CEP128: variants seen among roughly 807,000 people sequenced by gnomAD.
The protein encoded by CEP128 is centrosomal protein 128kDa.
Under a neutral mutation model 156.7 loss-of-function variants are expected in CEP128, and 132 were observed. The ratio of observed to expected loss-of-function variants is 0.84; its 90% CI spans 0.73 to 0.97. The LOEUF (loss-of-function observed/expected upper bound fraction) is 0.97. Among genes scored for constraint, CEP128 ranks in the 50% least tolerant of loss-of-function variants. The pLI, the probability that CEP128 is intolerant of heterozygous loss-of-function variation, is 0.00. For synonymous variants in CEP128, 469 were observed against 448.9 expected (o/e 1.04, Z -0.57); for missense variants, 1,252 against 1,281.9 (o/e 0.98, Z 0.36).
At chr14:80,786,934 C>T (rs1207717803) in intron 14 of CEP128, among the ~76,000 whole-genome samples, 1 of 152,032 alleles carries the variant, frequency 6.6e-6, no homozygotes, top group Non-Finnish European at 1.5e-5. Flanking sequence ...ATAGCAAGAC[C>T]CCGTCTCTAC....
At chr14:80,891,685 TAA>T (rs1425178481) in intron 8 of CEP128, among the ~76,000 whole-genome samples, 1 of 151,576 alleles carries the variant, frequency 6.6e-6, no homozygotes, top group African/African-American at 2.4e-5. Context: ...TTAAAATAAC[TAA>T]AAGAGTATAA....
At chr14:80,781,631 C>T (rs544076879) in intron 15 of CEP128, among the ~76,000 whole-genome samples, 51 of 151,564 alleles carry the variant, frequency 3.4e-4, no homozygotes, top group African/African-American at 1.1e-3. Context: ...AGAGAGTATC[C>T]GGGGGGCTAA....
intron 8 of CEP128, among the ~76,000 whole-genome samples, chr14:80,867,222 C>G (rs1887809416): frequency 6.6e-6 from 1 of 152,102 alleles, no homozygotes; most frequent in Admixed American, 6.5e-5. Flanking sequence ...ACTGACATGA[C>G]TGCTAAGCAA....
intron 19 of CEP128, among the ~76,000 whole-genome samples, chr14:80,589,494 A>T (rs1369863148): frequency 6.6e-6 from 1 of 152,130 alleles, no homozygotes; most frequent in Non-Finnish European, 1.5e-5. Context: ...TTAGGTAGGA[A>T]CAGTGAAGAG....
At chr14:80,946,308 T>TTGATGCCTCATGATGCCTCATGA (rs1886341704), upstream of CEP128, among the ~76,000 whole-genome samples, 7 of 127,556 alleles carry the variant, frequency 5.5e-5, no homozygotes, top group African/African-American at 2.6e-4. Context: ...TATTAATACC[T>TTGATGCCTCATGATGCCTCATGA]TGATGCCTCA....
At chr14:80,928,270 C>T (rs1460838002) in intron 2 of CEP128, among the ~76,000 whole-genome samples, 3 of 152,058 alleles carry the variant, frequency 2.0e-5, no homozygotes, top group Admixed American at 6.5e-5. Context: ...ACTAACTCTC[C>T]AGCAATGGAT....
chr14:80,533,803 A>G (rs1729573940), intron 21 of CEP128, among the ~76,000 whole-genome samples: 1 of 152,186 alleles, frequency 6.6e-6, no homozygotes, highest in South Asian at 2.1e-4. Context: ...ACTTTCTGGT[A>G]CACATACCTT....
At chr14:80,605,542 T>C (rs1433742764) in intron 19 of CEP128, among the ~76,000 whole-genome samples, 2 of 152,094 alleles carry the variant, frequency 1.3e-5, no homozygotes, top group African/African-American at 4.8e-5. Flanking sequence ...CTTCTATATC[T>C]TCTTATTCAG....
At chr14:80,684,004 T>C (rs1896425827) in intron 19 of CEP128, among the ~76,000 whole-genome samples, 1 of 151,896 alleles carries the variant, frequency 6.6e-6, no homozygotes, top group Non-Finnish European at 1.5e-5. Flanking sequence ...TAGAAAGATC[T>C]CAAATTAACA....
intron 8 of CEP128, among the ~76,000 whole-genome samples, chr14:80,863,673 A>G (rs1435902376): frequency 6.6e-6 from 1 of 152,218 alleles, no homozygotes; most frequent in Non-Finnish European, 1.5e-5. Context: ...ATATAAGAGA[A>G]GCAATAAACA....
Position 80,900,013 on chromosome 14 carries a change from TG to T in CEP128, c.496del (p.Gln166SerfsTer38). On this transcript the variant is annotated frameshift_variant, in exon 7 of 25. Coordinates refer to ENST00000555265, the MANE Select transcript of CEP128 (RefSeq NM_152446.5). LOFTEE classifies it high-confidence loss of function. ...TTCACTGCTGAGGTCTCGAAGAGAC[TG>T]ATGAAAACCATGAAGCTAGCAAAGG... Reference protein sequence around the residue: ...DDMTQLHGFHQSLRDLSSEQI... With the variant: ...DDMTQLHGFHXSLRDLSSEQI... 6.2e-7 allele frequency: 1 copy of T among 1,611,736 alleles called. No homozygotes were observed. Among genetic ancestry groups the T allele is most frequent in the African/African-American group, 1.3e-5 (1 of 74,998 alleles).
intron 19 of CEP128, among the ~76,000 whole-genome samples, chr14:80,653,656 G>T (rs1226475194): frequency 6.6e-6 from 1 of 152,126 alleles, no homozygotes; most frequent in African/African-American, 2.4e-5. Flanking sequence ...TTAAGTTGAA[G>T]CCAGTGCTTA....
intron 9 of CEP128, among the ~76,000 whole-genome samples, chr14:80,847,861 C>T (rs1390790562): frequency 1.3e-5 from 2 of 152,078 alleles, no homozygotes; most frequent in African/African-American, 4.8e-5. Context: ...ATCCCTAGTC[C>T]CCAGCGCAGT....
chr14:80,493,712 G>C (rs749302195), downstream of CEP128, among the ~76,000 whole-genome samples: 11 of 152,152 alleles, frequency 7.2e-5, no homozygotes, highest in Non-Finnish European at 1.2e-4. Flanking sequence ...AGTGTGGGTC[G>C]AACACTTACT....
chr14:80,598,185 GA>G (rs998820379), intron 19 of CEP128, among the ~76,000 whole-genome samples: 3 of 151,428 alleles, frequency 2.0e-5, no homozygotes, highest in African/African-American at 4.8e-5. Flanking sequence ...TTGTCATCAT[GA>G]AAAAAAATCC....
intron 23 of CEP128, among the ~76,000 whole-genome samples, chr14:80,518,205 T>C (rs1440540301): frequency 6.6e-6 from 1 of 150,896 alleles, no homozygotes; most frequent in East Asian, 2.0e-4. Flanking sequence ...ACTATTTATT[T>C]ACTTCCTGCT....
chr14:80,480,382 G>A (rs777645672), intron 14 of CEP128, among the ~76,000 whole-genome samples: 13 of 152,062 alleles, frequency 8.5e-5, no homozygotes, highest in African/African-American at 1.2e-4. Context: ...TCAACACCAC[G>A]TGGAAGCTGC....
intron 19 of CEP128, among the ~76,000 whole-genome samples, chr14:80,709,471 T>C (rs905813139): frequency 1.3e-5 from 2 of 152,164 alleles, no homozygotes; most frequent in Non-Finnish European, 2.9e-5. Flanking sequence ...CTGGTAGCAT[T>C]AACCTTTTCA....
chr14:80,711,778 G>A (rs954259782), intron 19 of CEP128, among the ~76,000 whole-genome samples: 4 of 151,936 alleles, frequency 2.6e-5, no homozygotes, highest in East Asian at 1.9e-4. Context: ...ACCATAATGC[G>A]ATTATTGTTT....
Sources: gnomAD v4.1 joint callset for allele counts (sites outside exome capture counted in the v4.1 genomes callset) on GRCh38, gnomAD v4.1.1 for gene constraint, MANE v1.5 for transcripts, NCBI Gene and HGNC (gene_info 2026-07-23, HGNC 2026-07-21) for gene names.